The following OLA1 variants were observed in gnomAD, a reference collection of about 807,000 sequenced individuals.
The protein encoded by OLA1 is Obg like ATPase 1.
Under a neutral mutation model 48.4 loss-of-function variants are expected in OLA1, and 14 were observed. The observed-to-expected ratio is 0.29, with a 90% CI of 0.19 to 0.45. The LOEUF (loss-of-function observed/expected upper bound fraction) is 0.45, where lower values mean the gene tolerates loss of function less well. Among genes scored for constraint, OLA1 ranks in the 20% least tolerant of loss-of-function variants. The pLI is 1.00. For missense variants in OLA1, 325 were observed against 467.1 expected, an observed-to-expected ratio of 0.70 and a Z score of 2.80; for synonymous variants, 127 against 150.4, an observed-to-expected ratio of 0.84 and a Z score of 1.14.
intron 4 of OLA1, among the ~76,000 whole-genome samples, chr2:174,211,535 C>T (rs1205239520): frequency 6.6e-6 from 1 of 152,148 alleles, no homozygotes; most frequent in East Asian, 1.9e-4. Context: ...TTGTACATAT[C>T]ATATCCAAAA....
intron 7 of OLA1, among the ~76,000 whole-genome samples, chr2:174,098,304 T>G (rs771646099): frequency 2.0e-5 from 3 of 152,256 alleles, no homozygotes; most frequent in Non-Finnish European, 4.4e-5. Flanking sequence ...TCTGAAAGAC[T>G]TATTCTTTCT....
At chr2:174,246,635 T>C (rs911285417) in intron 2 of OLA1, 80 bp downstream of exon 2, 1 of 890,676 alleles carries the variant, frequency 1.1e-6, no homozygotes, top group Non-Finnish European at 1.8e-6. Context: ...AAAGTTTAAT[T>C]ACCTCACGGT....
At chr2:174,206,863 T>C in intron 4 of OLA1, among the ~76,000 whole-genome samples, 1 of 152,158 alleles carries the variant, frequency 6.6e-6, no homozygotes, top group East Asian at 1.9e-4. Flanking sequence ...GATTGTTTAC[T>C]GCAATCCAAT....
At chr2:174,242,640 G>T (rs528557377) in intron 2 of OLA1, among the ~76,000 whole-genome samples, 4 of 151,952 alleles carry the variant, frequency 2.6e-5, no homozygotes, top group African/African-American at 9.6e-5. Context: ...TTTACATGAA[G>T]AAAAAAAACT....
rs748811959 is a variant in OLA1, at chr2:174,229,342, A to C, written c.211T>G (p.Phe71Val). 1 of 1,612,598 alleles carries C rather than the reference A, an allele frequency of 6.2e-7. No homozygotes were observed. The highest frequency in any genetic ancestry group is 8.5e-7 in the Non-Finnish European group (1 of 1,179,926). The change falls in exon 3 of 11, where the codon TTT becomes GTT. Residue 71 changes from phenylalanine to valine, a missense_variant. Transcript: ENST00000284719. The part of the protein sequence containing the change: ...ESRVPVPDER[F>V]DFLCQYHKPA... ...TTGTGGTATTGACAAAGAAAGTCAAACCTTTCATCTGGCACAGGTACTCTG... is the reference window on the plus strand; with the variant it reads ...TTGTGGTATTGACAAAGAAAGTCAACCCTTTCATCTGGCACAGGTACTCTG...
At chr2:174,201,880 G>C (rs1351793429) in intron 4 of OLA1, among the ~76,000 whole-genome samples, 5 of 152,060 alleles carry the variant, frequency 3.3e-5, no homozygotes, top group African/African-American at 9.7e-5. Context: ...GTCCAATAAA[G>C]GTAAGCTACC....
intron 4 of OLA1, among the ~76,000 whole-genome samples, chr2:174,163,678 G>A (rs957082574): frequency 7.8e-6 from 1 of 127,830 alleles, no homozygotes; most frequent in African/African-American, 2.9e-5. Flanking sequence ...GGAGAAGAAC[G>A]AGACCTTGTC....
At chr2:174,169,889 G>T (rs11691180) in intron 4 of OLA1, among the ~76,000 whole-genome samples, 144,982 of 152,268 alleles carry the variant, frequency 0.95, 69,430 homozygotes, top group East Asian at 1. Flanking sequence ...TTTTAGGTAA[G>T]GTAAATTTTA....
chr2:174,177,370 C>T (rs1687443514), intron 4 of OLA1, among the ~76,000 whole-genome samples: 1 of 152,086 alleles, frequency 6.6e-6, no homozygotes, highest in African/African-American at 2.4e-5. Context: ...CAAGTCAAGA[C>T]AAGCAGACGT....
At chr2:174,156,968 G>A (rs1686900059) in intron 4 of OLA1, among the ~76,000 whole-genome samples, 1 of 150,674 alleles carries the variant, frequency 6.6e-6, no homozygotes, top group Non-Finnish European at 1.5e-5. Flanking sequence ...CAAAGTAGTT[G>A]ACTGTTGGGT....
At chr2:174,231,883 G>A (rs987851872) in intron 2 of OLA1, among the ~76,000 whole-genome samples, 8 of 152,116 alleles carry the variant, frequency 5.3e-5, no homozygotes, top group Non-Finnish European at 1.2e-4. Flanking sequence ...GAAAAGCCTC[G>A]CGAAAGCAAA....
At chr2:174,094,625 T>C (rs1184863426) in intron 7 of OLA1, among the ~76,000 whole-genome samples, 1 of 152,202 alleles carries the variant, frequency 6.6e-6, no homozygotes, top group Non-Finnish European at 1.5e-5. Context: ...AATAAATCCA[T>C]ACACTTATGG....
intron 4 of OLA1, among the ~76,000 whole-genome samples, chr2:174,161,070 ATGAGTTTCTATTTTAAATAGTGCAGTT>A (rs1229100862): frequency 6.6e-6 from 1 of 152,246 alleles, no homozygotes; most frequent in Admixed American, 6.5e-5. Flanking sequence ...TAAAAAGATC[ATGAGTTTCTATTTTAAATAGTGCAGTT>A]CATTTTTTAA....
chr2:174,210,038 AATC>A (rs1293665782), intron 4 of OLA1, among the ~76,000 whole-genome samples: 4 of 152,194 alleles, frequency 2.6e-5, no homozygotes, highest in Admixed American at 6.5e-5. Context: ...GATCAAATTA[AATC>A]ATCAAGGAAG....
chr2:174,191,334 C>G (rs1687773292), intron 4 of OLA1, among the ~76,000 whole-genome samples: 1 of 152,186 alleles, frequency 6.6e-6, no homozygotes, highest in Non-Finnish European at 1.5e-5. Flanking sequence ...TACAATAACA[C>G]TTTCTCCTTT....
At chr2:174,177,640 G>A (rs1234689367) in intron 4 of OLA1, among the ~76,000 whole-genome samples, 1 of 152,054 alleles carries the variant, frequency 6.6e-6, no homozygotes, top group Non-Finnish European at 1.5e-5. Flanking sequence ...ATTATTCACT[G>A]CTGCAAAAGC....
At chr2:174,244,342 G>C (rs1689078381) in intron 2 of OLA1, among the ~76,000 whole-genome samples, 1 of 152,176 alleles carries the variant, frequency 6.6e-6, no homozygotes, top group African/African-American at 2.4e-5. Context: ...ATGACACTGG[G>C]AGGGGAAAGC....
rs186264246 is a variant in OLA1 at position 174,231,147 on chromosome 2, C to T, written c.102-1696G>A. 7.2e-5 allele frequency among the ~76,000 whole-genome samples: 11 copies of T among 152,326 alleles called. No individual in the cohort carries two copies. The East Asian group carries it at 1.4e-3, about 19-fold the overall frequency. Reference sequence around the variant, plus strand: ...CTACTCAAGTAATTGGTAACACAGACTGGCCCACTCTCCATTCCTTCTTCC... The same window carrying T: ...CTACTCAAGTAATTGGTAACACAGATTGGCCCACTCTCCATTCCTTCTTCC... On this transcript the variant is annotated intron_variant, in intron 2 of 10. Transcript: ENST00000284719.
chr2:174,109,874 A>G (rs1685606597), intron 7 of OLA1, among the ~76,000 whole-genome samples: 1 of 152,148 alleles, frequency 6.6e-6, no homozygotes, highest in Admixed American at 6.5e-5. Context: ...ACATGAACAC[A>G]TCACAGGCTT....
Sources: gnomAD v4.1 joint callset for allele counts (sites outside exome capture counted in the v4.1 genomes callset) on GRCh38, gnomAD v4.1.1 for gene constraint, MANE v1.5 for transcripts, NCBI Gene and HGNC (gene_info 2026-07-23, HGNC 2026-07-21) for gene names.